RNF166: variants seen among roughly 807,000 people sequenced by gnomAD.
RNF166 encodes E3 ubiquitin-protein ligase RNF166.
RNF166 carries 19 observed loss-of-function variants against 29.4 expected under a neutral mutation model. The ratio of observed to expected loss-of-function variants is 0.65; its 90% CI spans 0.45 to 0.95. The LOEUF (loss-of-function observed/expected upper bound fraction) is 0.95. Among genes scored for constraint, RNF166 ranks in the 40% least tolerant of loss-of-function variants. RNF166 has a pLI of 0.00. For synonymous variants in RNF166, 171 were observed against 134.5 expected (o/e 1.27, Z -1.88); for missense variants, 347 against 322.1 (o/e 1.08, Z -0.59).
chr16:88,697,730 C>A lies in RNF166; in HGVS notation c.649-97G>T, dbSNP rs1909772539. ...CACACAGGCGTGTCCACCCTTCCTG[C>A]CTCCCTCCAGCAGGACACAGGAAGG... On this transcript the variant is annotated intron_variant, in intron 5 of 5. Transcript: ENST00000312838. 3 of 888,094 alleles carry A rather than the reference C, an allele frequency of 3.4e-6. No homozygotes were observed. In the South Asian group the frequency reaches 4.4e-5, roughly 13 times the overall value. The allele number at this position is 888,094 out of a possible 1,614,324, so 55.0% of individuals were successfully genotyped here. A position where few individuals can be genotyped will look rare whatever the true frequency, so the allele number is the denominator to read the frequency against.
intron 1 of RNF166, 45 bp downstream of exon 1, chr16:88,706,126 C>G (rs1182923188): frequency 3.6e-6 from 4 of 1,111,762 alleles, no homozygotes; most frequent in Non-Finnish European, 4.4e-6. Flanking sequence ...CCTCCCGCGG[C>G]GGGGCACGGC....
At chr16:88,706,085 C>G in intron 1 of RNF166, 86 bp downstream of exon 1, 3 of 924,786 alleles carry the variant, frequency 3.2e-6, no homozygotes, top group Non-Finnish European at 3.9e-6. Flanking sequence ...CAGTCCGGAG[C>G]TGCACCGGGG....
Position 88,697,487 on chromosome 16 carries a change from C to T in RNF166, c.*81G>A, listed in dbSNP as rs140145339. 1.2e-4 allele frequency: 128 copies of T among 1,033,888 alleles called. No individual in the cohort carries two copies. The highest frequency in any genetic ancestry group is 3.0e-4 in the Admixed American group (14 of 47,098). 64.0% of individuals were successfully genotyped at this position (1,033,888 alleles called of 1,614,324 possible). Reference sequence around the variant, plus strand: ...CCTGTGAGCTCAGTCCGGTGAGGTGCGCTCCCGAGCAGGTGCCAGGTGCGA... The same window carrying T: ...CCTGTGAGCTCAGTCCGGTGAGGTGTGCTCCCGAGCAGGTGCCAGGTGCGA... On this transcript the variant is annotated 3_prime_UTR_variant, in exon 6 of 6. Transcript: ENST00000312838.
rs1448574533 is a variant in RNF166 at position 88,706,161 on chromosome 16, G to A, written c.155+10C>T. The A allele has an allele frequency of 8.3e-7, 1 of 1,208,944 alleles. No individual in the cohort carries two copies. Among genetic ancestry groups the A allele is most frequent in the Non-Finnish European group, 1.0e-6 (1 of 973,058 alleles). 74.9% of individuals were successfully genotyped at this position (1,208,944 alleles called of 1,614,324 possible). On this transcript the variant is annotated intron_variant, in intron 1 of 5. Transcript: ENST00000312838. The stretch of plus-strand genomic sequence containing the variant: ...CCCCCTCCCCGCGGCCCCTGGGCGG[G>A]CGCGCTCACGTGTGGCCGCAGCTGC...
intron 1 of RNF166, chr16:88,703,154 G>GAA (rs948221119): frequency 4.1e-6 from 4 of 985,422 alleles, no homozygotes; most frequent in Non-Finnish European, 4.8e-6. Flanking sequence ...CCAGCAGAGA[G>GAA]AAACCCAGTG....
chr16:88,706,351 C>G lies in RNF166; in HGVS notation c.-26G>C. On this transcript the variant is annotated 5_prime_UTR_variant, in exon 1 of 6. Coordinates refer to ENST00000312838, the MANE Select transcript of RNF166 (RefSeq NM_178841.4). ...CCCGGGGCCAGGCCCGCGCCGCCCGCCGCCCGCTGTCCTGGCCCGGGCCGG... is the reference window on the plus strand; with the variant it reads ...CCCGGGGCCAGGCCCGCGCCGCCCGGCGCCCGCTGTCCTGGCCCGGGCCGG... 2 of 1,215,436 alleles carry G rather than the reference C, an allele frequency of 1.6e-6. No homozygotes were observed. The highest frequency in any genetic ancestry group is 2.0e-6 in the Non-Finnish European group (2 of 978,068). 75.3% of individuals were successfully genotyped at this position (1,215,436 alleles called of 1,614,324 possible).
intron 3 of RNF166, 51 bp downstream of exon 3, chr16:88,699,569 C>G (rs368554365): frequency 1.4e-6 from 2 of 1,448,322 alleles, no homozygotes; most frequent in South Asian, 2.4e-5. Flanking sequence ...GCTCCCAGAA[C>G]GAGGAAACCG....
Position 88,702,855 on chromosome 16 carries a change from G to GA in RNF166, c.156-1438_156-1437insT, listed in dbSNP as rs1404234688. 21 of 985,392 alleles carry GA rather than the reference G, an allele frequency of 2.1e-5. No individual in the cohort carries two copies. In the African/African-American group the frequency reaches 3.3e-4, roughly 16 times the overall value. The allele number at this position is 985,392 out of a possible 1,614,324, so 61.0% of individuals were successfully genotyped here. A position where few individuals can be genotyped will look rare whatever the true frequency, so the allele number is the denominator to read the frequency against. ...TGACCCCTGGATTTGAGCCGGGGGG[G>GA]CCGCCTACTTCACCCGTTCACGGGA... is the stretch of plus-strand genomic sequence containing the variant. On this transcript the variant is annotated intron_variant, in intron 1 of 5. Coordinates refer to ENST00000312838, the MANE Select transcript of RNF166 (RefSeq NM_178841.4).
Position 88,698,435 on chromosome 16 carries a change from G to A in RNF166, c.648+67C>T, listed in dbSNP as rs767917540. 1.7e-5 allele frequency: 22 copies of A among 1,279,616 alleles called. No individual in the cohort carries two copies. The South Asian group carries it at 2.7e-4, about 16-fold the overall frequency. 79.3% of individuals were successfully genotyped at this position (1,279,616 alleles called of 1,614,324 possible). ...ACCCTGCGGACCCTGAGGCTGGCGA[G>A]GGGCCCGAGCAGGAGGAGGGTGGAT... On this transcript the variant is annotated intron_variant, in intron 5 of 5. Transcript: ENST00000312838.
chr16:88,701,822 G>T (rs1910269320), intron 1 of RNF166, among the ~76,000 whole-genome samples: 2 of 152,216 alleles, frequency 1.3e-5, no homozygotes, highest in African/African-American at 4.8e-5. Flanking sequence ...AACTCTCCCG[G>T]CTCCACACTC....
intron 1 of RNF166, among the ~76,000 whole-genome samples, chr16:88,702,612 C>G (rs78758732): frequency 0.032 from 4,881 of 152,288 alleles, 270 homozygotes; most frequent in African/African-American, 0.11. Flanking sequence ...CTGCTGTCCC[C>G]CAGGCCCTCT....
Position 88,698,618 on chromosome 16 carries a change from G to A in RNF166, c.541-9C>T. 1.3e-6 allele frequency: 2 copies of A among 1,507,542 alleles called. No homozygotes were observed. Among genetic ancestry groups the A allele is most frequent in the Non-Finnish European group, 1.8e-6 (2 of 1,121,392 alleles). The allele number at this position is 1,507,542 out of a possible 1,614,324, so 93.4% of individuals were successfully genotyped here. A position where few individuals can be genotyped will look rare whatever the true frequency, so the allele number is the denominator to read the frequency against. On this transcript the variant is annotated splice_polypyrimidine_tract_variant and intron_variant, in intron 4 of 5. Transcript: ENST00000312838. ...GAGCAGATGGGGCACACCTGGAACA[G>A]GCACTGGGGTCAAGCCGAGCCGGAC... is the stretch of plus-strand genomic sequence containing the variant.
In RNF166 at chr16:88,696,518, T is replaced by C. The variant is rs562215714; in HGVS notation, c.*1050A>G. ...GCTAGAGATGCTCTGAGACATTTTATTTAAACTTTTTTTTTTAAAAAAAAG... is the reference window on the plus strand; with the variant it reads ...GCTAGAGATGCTCTGAGACATTTTACTTAAACTTTTTTTTTTAAAAAAAAG... On this transcript the variant is annotated 3_prime_UTR_variant, in exon 6 of 6. Coordinates refer to ENST00000312838, the MANE Select transcript of RNF166 (RefSeq NM_178841.4). The C allele has an allele frequency of 2.4e-6, 1 of 423,582 alleles. No individual in the cohort carries two copies. The highest frequency in any genetic ancestry group is 7.0e-5 in the East Asian group (1 of 14,246). The allele number at this position is 423,582 out of a possible 1,614,324, so 26.2% of individuals were successfully genotyped here.
In RNF166 at chr16:88,706,304, C is replaced by G; in HGVS notation, c.22G>C (p.Val8Leu). 2 of 1,260,162 alleles carry G rather than the reference C, an allele frequency of 1.6e-6. No individual in the cohort carries two copies. Among genetic ancestry groups the G allele is most frequent in the African/African-American group, 1.6e-5 (1 of 63,248 alleles). 78.1% of individuals were successfully genotyped at this position (1,260,162 alleles called of 1,614,324 possible). MAMFRSLVASAQQRQPPA... is the reference protein window; with the variant it reads MAMFRSLLASAQQRQPPA... ...GGCTGCCGCTGCTGAGCCGAGGCCA[C>G]CAGGCTGCGGAACATAGCCATCCCG... is the stretch of plus-strand genomic sequence containing the variant. Residue 8 changes from valine (V) to leucine (L), a missense_variant, in exon 1 of 6, where the codon GTG becomes CTG. Val to Leu is a conservative substitution (Grantham distance 32, BLOSUM62 1). Transcript: ENST00000312838.
rs374051227 is a variant in RNF166 at position 88,699,600 on chromosome 16, T to C, written c.425+20A>G. ...AACCGCCGAGGACAGTTCCTCTCCC[T>C]TGCCCGGCAGCGTGCCTACCTGGGG... On this transcript the variant is annotated intron_variant, in intron 3 of 5. Coordinates refer to ENST00000312838, the MANE Select transcript of RNF166 (RefSeq NM_178841.4). 75 of 1,589,286 alleles carry C rather than the reference T, an allele frequency of 4.7e-5. No homozygotes were observed. In the African/African-American group the frequency reaches 9.5e-4, roughly 20 times the overall value.
chr16:88,698,914 A>C, intron 4 of RNF166, 57 bp downstream of exon 4: 1 of 1,324,696 alleles, frequency 7.5e-7, no homozygotes. Flanking sequence ...TGGGCCTTGT[A>C]CTGTCCCCCA....
chr16:88,700,997 G>A (rs778478075), intron 2 of RNF166: 144 of 1,352,894 alleles, frequency 1.1e-4, no homozygotes, highest in Non-Finnish European at 1.3e-4. Flanking sequence ...CACAACCCAC[G>A]TGGGTTCCCC....
Position 88,706,380 on chromosome 16 carries a change from G to A in RNF166, c.-55C>T, listed in dbSNP as rs1910810878. On this transcript the variant is annotated 5_prime_UTR_variant, in exon 1 of 6. Transcript: ENST00000312838. ...CCGCTGTCCTGGCCCGGGCCGGCCC[G>A]CTAGTCACAGCCGCTACTGCGCCGC... is the stretch of plus-strand genomic sequence containing the variant. The A allele has an allele frequency of 7.4e-6, 9 of 1,211,400 alleles. No homozygotes were observed. The highest frequency in any genetic ancestry group is 9.3e-6 in the Non-Finnish European group (9 of 970,146). The allele number at this position is 1,211,400 out of a possible 1,614,324, so 75.0% of individuals were successfully genotyped here.
intron 1 of RNF166, chr16:88,703,637 G>C (rs959703192): frequency 1.0e-6 from 1 of 985,456 alleles, no homozygotes; most frequent in Non-Finnish European, 1.2e-6. Context: ...TTCCCCCACA[G>C]GAAGTTCCTG....
Sources: gnomAD v4.1 joint callset for allele counts (sites outside exome capture counted in the v4.1 genomes callset) on GRCh38, gnomAD v4.1.1 for gene constraint, MANE v1.5 for transcripts, NCBI Gene and HGNC (gene_info 2026-07-23, HGNC 2026-07-21) for gene names.